The following TSFM variants were observed in gnomAD, a reference collection of about 807,000 sequenced individuals.
TSFM encodes the protein Ts translation elongation factor, mitochondrial.
In TSFM, 29 loss-of-function variants were observed where a neutral mutation model predicts 33.4. The ratio of observed to expected loss-of-function variants is 0.87; its 90% CI spans 0.65 to 1.18. TSFM has a LOEUF of 1.18. TSFM is among the 50% of genes most tolerant of loss of function. TSFM has a pLI of 0.00. For missense variants in TSFM, 394 were observed against 395.6 expected (o/e 1.00, Z 0.04); for synonymous variants, 178 against 163.5 (o/e 1.09, Z -0.68).
rs1955533920 is a variant in TSFM, at chr12:57,783,042, G to A, written c.58-68G>A. ...GTCCGCTCCCTAAGGTCGCTTCCCTGCCCGTGTACCCTTCACCCTCTGGAG... is the reference window on the plus strand; with the variant it reads ...GTCCGCTCCCTAAGGTCGCTTCCCTACCCGTGTACCCTTCACCCTCTGGAG... On this transcript the variant is annotated intron_variant, in intron 1 of 5. Transcript: ENST00000652027. The A allele has an allele frequency of 3.2e-6, 5 of 1,551,888 alleles. No individual in the cohort carries two copies. In the South Asian group the frequency reaches 3.6e-5, roughly 11 times the overall value.
chr12:57,790,018 G>C (rs1955641331), intron 4 of TSFM, among the ~76,000 whole-genome samples: 1 of 148,838 alleles, frequency 6.7e-6, no homozygotes, highest in Non-Finnish European at 1.5e-5. Context: ...ATGGTTTTTA[G>C]AAATCAAGAT....
At chr12:57,801,833 T>C (rs1267962202), downstream of TSFM, among the ~76,000 whole-genome samples, 1 of 152,230 alleles carries the variant, frequency 6.6e-6, no homozygotes. Context: ...TCCTCTTAGC[T>C]TCCTTATCAA....
Position 57,796,271 on chromosome 12 carries a change from G to A in TSFM, c.666G>A (p.Gln222=), listed in dbSNP as rs1201276013. The change falls in exon 6 of 6, where the codon CAG becomes CAA. Residue 222 remains glutamine (Q), a synonymous_variant. Coordinates refer to ENST00000652027, the MANE Select transcript of TSFM (RefSeq NM_005726.6). ...GCTCTTATGTCCACGGAGCAATGCA[G>A]AGTCCCTCACTTCACAAGCTGGTGC... ...YVGSYVHGAM[Q]SPSLHKLVLG... 2 of 1,613,092 alleles carry A rather than the reference G, an allele frequency of 1.2e-6. No individual in the cohort carries two copies. The highest frequency in any genetic ancestry group is 1.7e-6 in the Non-Finnish European group (2 of 1,179,484).
chr12:57,784,032 A>T lies in TSFM; in HGVS notation c.231+749A>T, dbSNP rs937357847. The T allele has an allele frequency of 4.3e-6, 3 of 702,880 alleles. No individual in the cohort carries two copies. The Admixed American group carries it at 6.0e-5, about 14-fold the overall frequency. 43.5% of individuals were successfully genotyped at this position (702,880 alleles called of 1,614,324 possible). A position where few individuals can be genotyped will look rare whatever the true frequency, so the allele number is the denominator to read the frequency against. ...GTCGTTAGGAGATTTTGGCTTATGC[A>T]CATCATAGAGTACCTACACAAACCT... is the stretch of plus-strand genomic sequence containing the variant. On this transcript the variant is annotated intron_variant, in intron 2 of 5. Coordinates refer to ENST00000652027, the MANE Select transcript of TSFM (RefSeq NM_005726.6).
downstream of TSFM, chr12:57,802,205 G>A (rs750579427): frequency 3.1e-6 from 5 of 1,613,910 alleles, no homozygotes; most frequent in Non-Finnish European, 4.2e-6. Flanking sequence ...CTGTGAAGAT[G>A]GGAGGCTCAA....
At chr12:57,782,898 C>A in intron 1 of TSFM, 40 bp downstream of exon 1, 1 of 1,562,490 alleles carries the variant, frequency 6.4e-7, no homozygotes, top group Non-Finnish European at 8.7e-7. Flanking sequence ...GCTGTCCCTG[C>A]AGCTCTCCTG....
At chr12:57,793,975 G>T (rs11172342) in intron 5 of TSFM, among the ~76,000 whole-genome samples, 40,552 of 152,178 alleles carry the variant, frequency 0.27, 6,789 homozygotes, top group East Asian at 0.65. Flanking sequence ...GGTGGGACTA[G>T]CATCTTGCTT....
intron 3 of TSFM, among the ~76,000 whole-genome samples, 177 bp from the exon 4 acceptor site, chr12:57,786,863 C>G (rs572126762): frequency 1.3e-4 from 20 of 152,304 alleles, no homozygotes; most frequent in African/African-American, 4.3e-4. Context: ...CAACATAAAT[C>G]ACTTCATTCT....
At chr12:57,783,030 G>A (rs1955533789) in intron 1 of TSFM, 80 bp from the exon 2 acceptor site, 2 of 1,535,182 alleles carry the variant, frequency 1.3e-6, no homozygotes, top group Admixed American at 3.7e-5. Context: ...CGCTCCCTAA[G>A]GTCGCTTCCC....
At chr12:57,801,223 G>GA (rs1470302517), downstream of TSFM, 1 of 1,611,860 alleles carries the variant, frequency 6.2e-7, no homozygotes. Flanking sequence ...CTGAGAAGAA[G>GA]AGAGAGAAAA....
intron 2 of TSFM, among the ~76,000 whole-genome samples, chr12:57,784,957 T>A (rs1454822817): frequency 7.0e-6 from 1 of 142,400 alleles, no homozygotes. Context: ...GACAGAGTCT[T>A]ACTCTGTCCC....
At chr12:57,783,769 T>G (rs957036048) in intron 2 of TSFM, 8 of 586,822 alleles carry the variant, frequency 1.4e-5, no homozygotes, top group Non-Finnish European at 2.4e-5. Flanking sequence ...ATTTTATTTT[T>G]TATTTTTTAT....
At chr12:57,784,097 G>A (rs1448912169) in intron 2 of TSFM, 3 of 702,704 alleles carry the variant, frequency 4.3e-6, no homozygotes, top group East Asian at 2.7e-5. Flanking sequence ...ATATGGAATT[G>A]CCAGCTGCTC....
rs1326184891 is a variant in TSFM at position 57,796,764 on chromosome 12, T to C, written c.*181T>C. ...TACTGGATTTAGCTTTTCTGTGCCT[T>C]TCAAAAACAACAGGTGGGCCTTATT... On this transcript the variant is annotated 3_prime_UTR_variant, in exon 6 of 6. Coordinates refer to ENST00000652027, the MANE Select transcript of TSFM (RefSeq NM_005726.6). 1 of 1,221,186 alleles carries C rather than the reference T, an allele frequency of 8.2e-7. No individual in the cohort carries two copies. The highest frequency in any genetic ancestry group is 1.0e-6 in the Non-Finnish European group (1 of 981,922). The allele number at this position is 1,221,186 out of a possible 1,614,324, so 75.6% of individuals were successfully genotyped here. A position where few individuals can be genotyped will look rare whatever the true frequency, so the allele number is the denominator to read the frequency against.
intron 5 of TSFM, 89 bp downstream of exon 5, chr12:57,793,162 T>C (rs1955686905): frequency 2.6e-6 from 3 of 1,141,862 alleles, no homozygotes; most frequent in Non-Finnish European, 3.9e-6. Context: ...AAGAATCATG[T>C]GCCTACAAGG....
chr12:57,785,389 T>A (rs748861076), intron 2 of TSFM, among the ~76,000 whole-genome samples: 1 of 152,328 alleles, frequency 6.6e-6, no homozygotes, highest in East Asian at 1.9e-4. Flanking sequence ...CATGGACCTG[T>A]CATCTCCTAT....
chr12:57,794,098 AT>A (rs1367580513), intron 5 of TSFM, among the ~76,000 whole-genome samples: 1 of 152,188 alleles, frequency 6.6e-6, no homozygotes, highest in African/African-American at 2.4e-5. Context: ...TTATCAGGTC[AT>A]CTTGTATTAT....
chr12:57,782,848 G>T lies in TSFM; in HGVS notation c.47G>T (p.Gly16Val). ...CGCGTGTTTCTGGTCGCGCGGACCG[G>T]GAGCTACCCGGTGAGAAGTCCTGGT... ...SLRVFLVART[G>V]SYPAGSLLRQ... The change falls in exon 1 of 6, where the codon GGG becomes GTG. Residue 16 changes from glycine (G) to valine (V), a missense_variant. Coordinates refer to ENST00000652027, the MANE Select transcript of TSFM (RefSeq NM_005726.6). 2 of 1,593,962 alleles carry T rather than the reference G, an allele frequency of 1.3e-6. No homozygotes were observed. Among genetic ancestry groups the T allele is most frequent in the East Asian group, 2.3e-5 (1 of 43,692 alleles).
At chr12:57,783,943 T>G (rs1442954117) in intron 2 of TSFM, 2 of 702,640 alleles carry the variant, frequency 2.8e-6, no homozygotes, top group Admixed American at 4.0e-5. Context: ...TCTTTCAGAG[T>G]TGTGTAGTTT....
Sources: allele counts gnomAD v4.1 joint callset (sites outside exome capture counted in the v4.1 genomes callset), GRCh38; gene constraint gnomAD v4.1.1; transcripts MANE v1.5; gene names NCBI Gene and HGNC (gene_info 2026-07-23, HGNC 2026-07-21).